The following GPC6 variants were observed in gnomAD, a reference collection of about 807,000 sequenced individuals.
The protein encoded by GPC6 is glypican-6.
In GPC6, 14 loss-of-function variants were observed where a neutral mutation model predicts 55.2. The ratio of observed to expected loss-of-function variants is 0.25; its 90% CI spans 0.17 to 0.40. The LOEUF is 0.40. Among genes scored for constraint, GPC6 ranks in the 10% least tolerant of loss-of-function variants. The pLI is 1.00. For missense variants in GPC6, 641 were observed against 708.5 expected (o/e 0.90, Z 1.08); for synonymous variants, 278 against 259.6 (o/e 1.07, Z -0.68).
chr13:93,365,463 G>C (rs1881212990), intron 1 of GPC6, among the ~76,000 whole-genome samples: 1 of 152,066 alleles, frequency 6.6e-6, no homozygotes, highest in East Asian at 1.9e-4. Context: ...TGCCTTGTAG[G>C]GGTTTTAAAA....
At chr13:93,792,178 A>T (rs1430556967) in intron 2 of GPC6, among the ~76,000 whole-genome samples, 1 of 152,256 alleles carries the variant, frequency 6.6e-6, no homozygotes, top group Admixed American at 6.5e-5. Flanking sequence ...CCTTGCCTTC[A>T]TGCAGGTGAT....
intron 3 of GPC6, among the ~76,000 whole-genome samples, chr13:93,916,420 G>A (rs1306485125): frequency 2.6e-5 from 4 of 152,124 alleles, no homozygotes; most frequent in Admixed American, 6.5e-5. Context: ...CCAAGAGTTT[G>A]TATTTGGCAG....
chr13:94,147,496 T>C (rs1313420818), intron 4 of GPC6, among the ~76,000 whole-genome samples: 3 of 152,190 alleles, frequency 2.0e-5, no homozygotes, highest in Non-Finnish European at 4.4e-5. Flanking sequence ...AGTTGTAGCA[T>C]TGTTTTGAAG....
At chr13:93,679,360 G>C (rs1040971185) in intron 2 of GPC6, among the ~76,000 whole-genome samples, 1 of 152,140 alleles carries the variant, frequency 6.6e-6, no homozygotes, top group African/African-American at 2.4e-5. Context: ...CCACTCTAAA[G>C]CTGATTTATA....
intron 3 of GPC6, chr13:93,831,002 T>C: frequency 6.3e-6 from 1 of 159,996 alleles, no homozygotes; most frequent in Non-Finnish European, 1.4e-5. Flanking sequence ...CACCTGGCAT[T>C]TCTTCTTTTT....
intron 1 of GPC6, among the ~76,000 whole-genome samples, chr13:93,513,426 G>C (rs1881059695): frequency 6.6e-6 from 1 of 151,996 alleles, no homozygotes; most frequent in Non-Finnish European, 1.5e-5. Context: ...GGTGATCTTT[G>C]CCCTGAAAAT....
chr13:93,266,970 A>G (rs912189413), intron 1 of GPC6, among the ~76,000 whole-genome samples: 6 of 152,192 alleles, frequency 3.9e-5, no homozygotes, highest in African/African-American at 1.4e-4. Context: ...TGCTTTCTGG[A>G]TATGAAAGAG....
intron 4 of GPC6, among the ~76,000 whole-genome samples, chr13:94,265,842 T>C (rs1338647258): frequency 1.3e-5 from 2 of 152,192 alleles, no homozygotes; most frequent in Non-Finnish European, 2.9e-5. Context: ...GTAAATGCCA[T>C]CCACATACAT....
intron 1 of GPC6, among the ~76,000 whole-genome samples, chr13:93,447,982 GT>G (rs1427799870): frequency 6.6e-6 from 1 of 152,106 alleles, no homozygotes; most frequent in East Asian, 1.9e-4. Flanking sequence ...TAGATGTCAA[GT>G]TTTTTTCCCT....
At position 93,329,911 on chromosome 13, in the gene GPC6, A is replaced by G. The variant is rs534722528; in HGVS notation, c.160+102295A>G. On this transcript the variant is annotated intron_variant, in intron 1 of 8. Transcript: ENST00000377047. ...TGTAAGAAAATGAAATTATAAATAA[A>G]TACATTAAGGAAATTCAAGAAGACT... Among the ~76,000 whole-genome samples the G allele has an allele frequency of 4.5e-4, 69 of 152,322 alleles. 2 individuals carry two copies. In the South Asian group the frequency reaches 0.014, roughly 31 times the overall value.
chr13:94,255,950 C>G (rs61964496), intron 4 of GPC6, among the ~76,000 whole-genome samples: 26,247 of 151,998 alleles, frequency 0.17, 2,426 homozygotes, highest in African/African-American at 0.21. Flanking sequence ...GCTTGAGAAT[C>G]TACAGGAAAT....
intron 2 of GPC6, among the ~76,000 whole-genome samples, chr13:93,604,150 A>C (rs557182065): frequency 5.4e-4 from 82 of 152,336 alleles, no homozygotes; most frequent in African/African-American, 1.9e-3. Flanking sequence ...GAGGACAGAA[A>C]TGTACTTTCT....
chr13:93,456,697 G>T (rs1275019196), intron 1 of GPC6, among the ~76,000 whole-genome samples: 1 of 152,022 alleles, frequency 6.6e-6, no homozygotes, highest in Admixed American at 6.6e-5. Flanking sequence ...GAAAAGAATA[G>T]AGACGTAAGG....
At chr13:93,936,903 C>T (rs1242601619) in intron 3 of GPC6, among the ~76,000 whole-genome samples, 1 of 152,194 alleles carries the variant, frequency 6.6e-6, no homozygotes, top group Non-Finnish European at 1.5e-5. Flanking sequence ...CTTCTTGCAG[C>T]ATCCTAAATT....
At chr13:93,889,259 G>T (rs538817939) in intron 3 of GPC6, among the ~76,000 whole-genome samples, 1 of 152,180 alleles carries the variant, frequency 6.6e-6, no homozygotes, top group African/African-American at 2.4e-5. Flanking sequence ...CAGCCTGTCA[G>T]TTGCTGCTAT....
At chr13:93,412,619 G>A (rs1432354532) in intron 1 of GPC6, among the ~76,000 whole-genome samples, 1 of 152,092 alleles carries the variant, frequency 6.6e-6, no homozygotes, top group Non-Finnish European at 1.5e-5. Context: ...ATTGCACTAC[G>A]TCACTCCAAC....
At chr13:93,674,263 A>G (rs549364310) in intron 2 of GPC6, among the ~76,000 whole-genome samples, 6 of 152,294 alleles carry the variant, frequency 3.9e-5, no homozygotes, top group South Asian at 2.1e-4. Flanking sequence ...CATTATTTCT[A>G]TAATAGAATT....
At chr13:93,299,901 C>T (rs1003265745) in intron 1 of GPC6, among the ~76,000 whole-genome samples, 2 of 152,154 alleles carry the variant, frequency 1.3e-5, no homozygotes, top group Admixed American at 6.5e-5. Flanking sequence ...ATCCAACAGC[C>T]TCTTAAGGTA....
At chr13:93,378,892 G>C (rs1875035609) in intron 1 of GPC6, among the ~76,000 whole-genome samples, 1 of 151,556 alleles carries the variant, frequency 6.6e-6, no homozygotes, top group African/African-American at 2.4e-5. Context: ...CCCCTCCAGA[G>C]CCTGAGGCAG....
Sources: gnomAD v4.1 joint callset for allele counts (sites outside exome capture counted in the v4.1 genomes callset) on GRCh38, gnomAD v4.1.1 for gene constraint, MANE v1.5 for transcripts, NCBI Gene and HGNC (gene_info 2026-07-23, HGNC 2026-07-21) for gene names.